Variants in RASGEF1B observed in about 807,000 individuals in gnomAD.
RASGEF1B encodes the protein RasGEF domain family member 1B, also known as ras-GEF domain-containing family member 1B.
Under a neutral mutation model 65.7 loss-of-function variants are expected in RASGEF1B, and 30 were observed. The ratio of observed to expected loss-of-function variants is 0.46; its 90% CI spans 0.34 to 0.62. RASGEF1B has a LOEUF of 0.62. Ranked by LOEUF, RASGEF1B falls within the 20% of genes least tolerant of loss-of-function variation. The pLI is 0.01. For synonymous variants in RASGEF1B, 175 were observed against 194.8 expected, an observed-to-expected ratio of 0.90 and a Z score of 0.85; for missense variants, 495 against 580.1, an observed-to-expected ratio of 0.85 and a Z score of 1.51.
Position 81,431,098 on chromosome 4 carries a change from T to C in RASGEF1B, c.1397+1201A>G, listed in dbSNP as rs377242971. 2.0e-4 allele frequency among the ~76,000 whole-genome samples: 30 copies of C among 152,092 alleles called. 1 individual carries two copies. In the East Asian group the frequency reaches 3.3e-3, roughly 17 times the overall value. Reference sequence around the variant, plus strand: ...ACTAAAAGGAGTAATTCTCAAATCTTTTATCCAGCAAGATATGCACTCTGA... The same window carrying C: ...ACTAAAAGGAGTAATTCTCAAATCTCTTATCCAGCAAGATATGCACTCTGA... On this transcript the variant is annotated intron_variant, in intron 13 of 13. Transcript: ENST00000264400.
intron 13 of RASGEF1B, among the ~76,000 whole-genome samples, chr4:81,429,297 C>A (rs1430236987): frequency 6.6e-6 from 1 of 152,206 alleles, no homozygotes; most frequent in Non-Finnish European, 1.5e-5. Flanking sequence ...GTGGCTTGAA[C>A]ACCAACACAG....
intron 8 of RASGEF1B, 112 bp downstream of exon 8, chr4:81,445,414 G>T: frequency 1.3e-6 from 1 of 755,906 alleles, no homozygotes; most frequent in Non-Finnish European, 2.2e-6. Flanking sequence ...AATAACTCTG[G>T]ATTAAAAAAT....
At chr4:81,456,560 C>T in intron 4 of RASGEF1B, 91 bp downstream of exon 4, 1 of 1,368,458 alleles carries the variant, frequency 7.3e-7, no homozygotes, top group Non-Finnish European at 1.0e-6. Context: ...AGAGAGGAAG[C>T]AGTGGAGATT....
At chr4:81,468,206 T>C (rs1391586544) in intron 1 of RASGEF1B, among the ~76,000 whole-genome samples, 1 of 152,210 alleles carries the variant, frequency 6.6e-6, no homozygotes, top group African/African-American at 2.4e-5. Flanking sequence ...ACCTAATTCA[T>C]CTCAGGAAAA....
intron 13 of RASGEF1B, among the ~76,000 whole-genome samples, chr4:81,429,649 G>A (rs1176495290): frequency 6.6e-6 from 1 of 152,234 alleles, no homozygotes; most frequent in Non-Finnish European, 1.5e-5. Flanking sequence ...GACGTGGTGA[G>A]GAACACATCT....
chr4:81,442,463 T>C (rs1721874936), intron 8 of RASGEF1B, 87 bp from the exon 9 acceptor site: 1 of 765,416 alleles, frequency 1.3e-6, no homozygotes, highest in Non-Finnish European at 2.3e-6. Context: ...CTAAAATACT[T>C]TCATTACTAA....
At chr4:81,460,881 G>A (rs930847473) in intron 1 of RASGEF1B, among the ~76,000 whole-genome samples, 1 of 152,160 alleles carries the variant, frequency 6.6e-6, no homozygotes, top group African/African-American at 2.4e-5. Flanking sequence ...CCACAAATGG[G>A]AAGAAGGTGA....
chr4:81,428,472 C>A (rs1721303759), intron 13 of RASGEF1B, among the ~76,000 whole-genome samples: 1 of 152,162 alleles, frequency 6.6e-6, no homozygotes, highest in African/African-American at 2.4e-5. Flanking sequence ...GACTCTTTTT[C>A]TTGCCATTGT....
At chr4:81,437,856 A>G (rs1721687558) in intron 10 of RASGEF1B, among the ~76,000 whole-genome samples, 2 of 152,354 alleles carry the variant, frequency 1.3e-5, no homozygotes, top group East Asian at 1.9e-4. Flanking sequence ...CACAAATCTA[A>G]TATAGTGAAA....
chr4:81,459,144 A>G, intron 2 of RASGEF1B, 188 bp downstream of exon 2: 1 of 535,604 alleles, frequency 1.9e-6, no homozygotes, highest in Non-Finnish European at 3.3e-6. Context: ...TACACATAGT[A>G]TACCAAAATC....
chr4:81,461,295 TA>T (rs1444135832), intron 1 of RASGEF1B, among the ~76,000 whole-genome samples: 7 of 152,222 alleles, frequency 4.6e-5, no homozygotes, highest in Non-Finnish European at 7.3e-5. Flanking sequence ...GAGAGGCACC[TA>T]AAAGTTCCTT....
At chr4:81,429,252 A>G (rs1046353138) in intron 13 of RASGEF1B, among the ~76,000 whole-genome samples, 12 of 152,252 alleles carry the variant, frequency 7.9e-5, no homozygotes, top group African/African-American at 2.2e-4. Context: ...GAGCTGGGCC[A>G]TGAGAACAGA....
At chr4:81,469,329 C>T (rs1397190409) in intron 1 of RASGEF1B, among the ~76,000 whole-genome samples, 2 of 152,072 alleles carry the variant, frequency 1.3e-5, no homozygotes, top group Non-Finnish European at 2.9e-5. Flanking sequence ...ATCTCCTTTC[C>T]AAGGAGGTGC....
chr4:81,466,770 A>AAAAAAAAAG (rs748492254), intron 1 of RASGEF1B, among the ~76,000 whole-genome samples: 21 of 36,092 alleles, frequency 5.8e-4, no homozygotes, highest in African/African-American at 1.9e-3. Flanking sequence ...AAAAAAAAAA[A>AAAAAAAAAG]AAAGAAAGAA....
intron 1 of RASGEF1B, among the ~76,000 whole-genome samples, chr4:81,459,900 G>A (rs575013819): frequency 6.6e-6 from 1 of 152,310 alleles, no homozygotes; most frequent in Admixed American, 6.5e-5. Context: ...GTGGAAATGT[G>A]TACACCTTAA....
intron 4 of RASGEF1B, chr4:81,455,039 C>A (rs539892025): frequency 6.6e-6 from 1 of 152,284 alleles, no homozygotes; most frequent in Non-Finnish European, 1.5e-5. Context: ...CAACATAAAT[C>A]CTGTGCATGA....
rs1721518908 is a variant in RASGEF1B, at chr4:81,433,872, T to TA, written c.1291dup (p.Tyr431LeufsTer10). On this transcript the variant is annotated frameshift_variant, in exon 12 of 14. Coordinates refer to ENST00000264400, the MANE Select transcript of RASGEF1B (RefSeq NM_152545.3). LOFTEE classifies it high-confidence loss of function. Reference sequence around the variant, plus strand: ...ACTGAAGACTGGTACTGTGAGCAGATACTGCAAGATCTTCCGGTCCCTCTC... The same window carrying TA: ...ACTGAAGACTGGTACTGTGAGCAGATAACTGCAAGATCTTCCGGTCCCTCTC... The TA allele has an allele frequency of 6.2e-7, 1 of 1,613,996 alleles. No individual in the cohort carries two copies. Among genetic ancestry groups the TA allele is most frequent in the African/African-American group, 1.3e-5 (1 of 74,926 alleles).
At position 81,427,054 on chromosome 4, in the gene RASGEF1B, T is replaced by C. The variant is rs911825557; in HGVS notation, c.*714A>G. The C allele has an allele frequency of 5.9e-5, 9 of 152,502 alleles. No homozygotes were observed. The highest frequency in any genetic ancestry group is 7.2e-5 in the African/African-American group (3 of 41,396). 9.4% of individuals were successfully genotyped at this position (152,502 alleles called of 1,614,324 possible). A position where few individuals can be genotyped will look rare whatever the true frequency, so the allele number is the denominator to read the frequency against. On this transcript the variant is annotated 3_prime_UTR_variant, in exon 14 of 14. Transcript: ENST00000264400. ...GCAGTCCAATGACAAACTCTGCTTT[T>C]TATTTTCTTTCTAGTGGCTATTTTC...
chr4:81,448,396 T>G (rs1437733467), intron 4 of RASGEF1B, 112 bp from the exon 5 acceptor site: 1 of 915,848 alleles, frequency 1.1e-6, no homozygotes, highest in Non-Finnish European at 1.7e-6. Context: ...GAGAATAAAC[T>G]TGGTTAAGGG....
Sources: allele counts gnomAD v4.1 joint callset (sites outside exome capture counted in the v4.1 genomes callset), GRCh38; gene constraint gnomAD v4.1.1; transcripts MANE v1.5; gene names NCBI Gene and HGNC (gene_info 2026-07-23, HGNC 2026-07-21).